The following PIEZO2 variants were observed in gnomAD, a reference collection of about 807,000 sequenced individuals.
The protein encoded by PIEZO2 is piezo-type mechanosensitive ion channel component 2.
In PIEZO2, 172 loss-of-function variants were observed where a neutral mutation model predicts 337.3. The observed-to-expected ratio is 0.51, with a 90% CI of 0.45 to 0.58. The LOEUF is 0.58. Ranked by LOEUF, PIEZO2 falls within the 20% of genes least tolerant of loss-of-function variation. The pLI, the probability that PIEZO2 is intolerant of heterozygous loss-of-function variation, is 0.00. For synonymous variants in PIEZO2, 1,251 were observed against 1,228.5 expected, an observed-to-expected ratio of 1.02 and a Z score of -0.38; for missense variants, 3,028 against 3,391.3, an observed-to-expected ratio of 0.89 and a Z score of 2.66.
Position 10,724,780 on chromosome 18 carries a change from C to T in PIEZO2, c.5030-6521G>A, listed in dbSNP as rs1300027776. 2 of 1,580,674 alleles carry T rather than the reference C, an allele frequency of 1.3e-6. No individual in the cohort carries two copies. Among genetic ancestry groups the T allele is most frequent in the Non-Finnish European group, 1.7e-6 (2 of 1,161,226 alleles). ...CTTGCCCGTGGCTCTGGCAGTCCCC[C>T]CAGCACTGCAGCCCCAGCCTGAGCA... is the stretch of plus-strand genomic sequence containing the variant. On this transcript the variant is annotated intron_variant, in intron 36 of 55. Transcript: ENST00000674853. This position sits in a 1 kb window ranked among gnomAD's most constrained non-coding sequence, Gnocchi z 5.8.
intron 2 of PIEZO2, among the ~76,000 whole-genome samples, chr18:11,057,669 C>G (rs1370898079): frequency 6.6e-6 from 1 of 152,120 alleles, no homozygotes; most frequent in Non-Finnish European, 1.5e-5. Flanking sequence ...ACCAAGTGAC[C>G]AGTCAACGTG....
chr18:10,956,673 A>AT (rs2033537898), intron 3 of PIEZO2, among the ~76,000 whole-genome samples: 1 of 152,246 alleles, frequency 6.6e-6, no homozygotes, highest in Non-Finnish European at 1.5e-5. Context: ...TCGTATTGGC[A>AT]TAAAAACAAC....
intron 3 of PIEZO2, among the ~76,000 whole-genome samples, chr18:10,919,669 A>G (rs1427172111): frequency 6.6e-6 from 1 of 152,166 alleles, no homozygotes; most frequent in Non-Finnish European, 1.5e-5. Context: ...TTCAAAAATT[A>G]CTTCCATATT....
At chr18:10,825,127 G>A (rs1269782927) in intron 7 of PIEZO2, among the ~76,000 whole-genome samples, 1 of 152,104 alleles carries the variant, frequency 6.6e-6, no homozygotes, top group Non-Finnish European at 1.5e-5. Context: ...GCCTCCCAAA[G>A]TGCTGGGATT....
chr18:10,763,531 T>C (rs555393334), intron 21 of PIEZO2, among the ~76,000 whole-genome samples: 1 of 152,024 alleles, frequency 6.6e-6, no homozygotes, highest in Admixed American at 6.6e-5. Flanking sequence ...TGAGCTAGCA[T>C]GGTGGGGACA....
rs1217972776 is a variant in PIEZO2, at chr18:11,105,678, C to T, written c.65-39456G>A. Among the ~76,000 whole-genome samples the T allele has an allele frequency of 1.3e-5, 2 of 152,312 alleles. No individual in the cohort carries two copies. Among genetic ancestry groups the T allele is most frequent in the Middle Eastern group, 3.4e-3 (1 of 294 alleles). ...GCTACAAAGCAATATTTCAACATCA[C>T]GTGTCCTCTGAAAGCCTGAGCTGGG... On this transcript the variant is annotated intron_variant, in intron 1 of 55. Coordinates refer to ENST00000674853, the MANE Select transcript of PIEZO2 (RefSeq NM_001378183.1). The surrounding 1 kb of genome is among the most constrained non-coding windows in gnomAD (Gnocchi z 4.3).
chr18:11,057,051 G>A (rs1162530970), intron 2 of PIEZO2, among the ~76,000 whole-genome samples: 2 of 151,982 alleles, frequency 1.3e-5, no homozygotes, highest in Non-Finnish European at 2.9e-5. Context: ...AGCTTGGGAT[G>A]TTCACAGCTG....
At chr18:10,711,783 G>A (rs1396021752) in intron 39 of PIEZO2, among the ~76,000 whole-genome samples, 5 of 152,130 alleles carry the variant, frequency 3.3e-5, no homozygotes, top group Admixed American at 2.0e-4. Flanking sequence ...ATTCTTCACC[G>A]CGCAGGAGGA....
intron 13 of PIEZO2, among the ~76,000 whole-genome samples, chr18:10,793,076 A>G (rs1224448150): frequency 6.6e-6 from 1 of 151,986 alleles, no homozygotes; most frequent in Admixed American, 6.6e-5. Flanking sequence ...TAACATGGTG[A>G]AATCCCGTCT....
At chr18:11,063,583 T>C (rs866220922) in intron 2 of PIEZO2, among the ~76,000 whole-genome samples, 46 of 152,250 alleles carry the variant, frequency 3.0e-4, no homozygotes, top group African/African-American at 1.1e-3. Flanking sequence ...GACCAAATGG[T>C]GGGCAGAGGG....
Position 10,726,809 on chromosome 18 carries a change from A to C in PIEZO2, c.5029+4598T>G. ...GAGGATGTGGACCACCTGCGGCCCC[A>C]TGGGGTGCTGGATAATACCCGGATG... On this transcript the variant is annotated intron_variant, in intron 36 of 55. Transcript: ENST00000674853. The surrounding 1 kb of genome is among the most constrained non-coding windows in gnomAD (Gnocchi z 5.9). 1.3e-6 allele frequency: 2 copies of C among 1,563,162 alleles called. No individual in the cohort carries two copies. The highest frequency in any genetic ancestry group is 1.7e-4 in the Middle Eastern group (1 of 5,930).
intron 9 of PIEZO2, among the ~76,000 whole-genome samples, chr18:10,803,517 T>C (rs1456121137): frequency 6.6e-6 from 1 of 152,172 alleles, no homozygotes; most frequent in Non-Finnish European, 1.5e-5. Flanking sequence ...CAGAGTAAAA[T>C]TATTTTCTGC....
rs970342202 is a variant in PIEZO2, at chr18:11,128,884, A to G, written c.64+19641T>C. On this transcript the variant is annotated intron_variant, in intron 1 of 55. Transcript: ENST00000674853. The surrounding 1 kb of genome is among the most constrained non-coding windows in gnomAD (Gnocchi z 4.1). Reference sequence around the variant, plus strand: ...TGGGAATGGATATTAAGGGTATGGGATAATAGTGGAAGGAACAAAGAGTTG... The same window carrying G: ...TGGGAATGGATATTAAGGGTATGGGGTAATAGTGGAAGGAACAAAGAGTTG... Among the ~76,000 whole-genome samples, 1 of 152,208 alleles carries G rather than the reference A, an allele frequency of 6.6e-6. No individual in the cohort carries two copies. Among genetic ancestry groups the G allele is most frequent in the Admixed American group, 6.5e-5 (1 of 15,290 alleles).
At chr18:11,082,713 G>C (rs1213001861) in intron 1 of PIEZO2, among the ~76,000 whole-genome samples, 1 of 152,172 alleles carries the variant, frequency 6.6e-6, no homozygotes, top group Non-Finnish European at 1.5e-5. Flanking sequence ...GTATATGTGT[G>C]TATGTGTGAG....
intron 48 of PIEZO2, among the ~76,000 whole-genome samples, chr18:10,690,105 T>G (rs2034738661): frequency 7.3e-6 from 1 of 137,436 alleles, no homozygotes; most frequent in South Asian, 2.2e-4. Flanking sequence ...TATTTGTTCA[T>G]GTTACGAGAC....
At chr18:10,778,581 C>G (rs1481805199) in intron 18 of PIEZO2, among the ~76,000 whole-genome samples, 2 of 152,124 alleles carry the variant, frequency 1.3e-5, no homozygotes, top group African/African-American at 4.8e-5. Context: ...ATCCACCTGC[C>G]TCGGCTTCCC....
chr18:11,041,404 G>T (rs1201979286), intron 2 of PIEZO2, among the ~76,000 whole-genome samples: 1 of 152,174 alleles, frequency 6.6e-6, no homozygotes, highest in African/African-American at 2.4e-5. Context: ...TTGGAGGAAA[G>T]AGTGGCCTTG....
chr18:10,990,430 A>G (rs1470357132), intron 2 of PIEZO2, among the ~76,000 whole-genome samples: 1 of 152,112 alleles, frequency 6.6e-6, no homozygotes, highest in Admixed American at 6.6e-5. Flanking sequence ...AATTGCTTCA[A>G]CTCTCTCCAC....
At chr18:10,812,425 T>C (rs1352935572) in intron 7 of PIEZO2, among the ~76,000 whole-genome samples, 2 of 152,120 alleles carry the variant, frequency 1.3e-5, no homozygotes, top group Non-Finnish European at 2.9e-5. Context: ...ACTCATCGGG[T>C]ACTATACTTA....
Sources: gnomAD v4.1 joint callset for allele counts (sites outside exome capture counted in the v4.1 genomes callset) on GRCh38, gnomAD v4.1.1 for gene constraint, Gnocchi (gnomAD v3.1) non-coding constraint, MANE v1.5 for transcripts, NCBI Gene and HGNC (gene_info 2026-07-23, HGNC 2026-07-21) for gene names.